The following WDPCP variants were observed in gnomAD, a reference collection of about 807,000 sequenced individuals.
The protein encoded by WDPCP is WD repeat containing planar cell polarity effector, also known as WD repeat-containing and planar cell polarity effector protein fritz homolog.
Under a neutral mutation model 93.1 loss-of-function variants are expected in WDPCP, and 71 were observed. The observed-to-expected ratio is 0.76, with a 90% CI of 0.63 to 0.93. The LOEUF (loss-of-function observed/expected upper bound fraction) is 0.93. Among genes scored for constraint, WDPCP ranks in the 40% least tolerant of loss-of-function variants. The pLI is 0.00. For missense variants in WDPCP, 844 were observed against 887.4 expected (o/e 0.95, Z 0.62); for synonymous variants, 315 against 315.0 (o/e 1.00, Z 0.00).
intron 3 of WDPCP, among the ~76,000 whole-genome samples, chr2:63,601,475 C>A (rs113299713): frequency 0.013 from 2,005 of 152,230 alleles, 48 homozygotes; most frequent in African/African-American, 0.045. Context: ...AAGAAAATTA[C>A]TAGGGCTGGA....
At position 63,799,000 on chromosome 2, in the gene WDPCP, A is replaced by T. The variant is rs1000813758; in HGVS notation, n.308+14622T>A. On this transcript the variant is annotated intron_variant and non_coding_transcript_variant, in intron 2 of 4. Transcript: ENST00000467687. ...TTTGGTAGGTTATCAGTGTTCCTACATCTAAGATTTATTCATGATCTGAAA... is the reference window on the plus strand; with the variant it reads ...TTTGGTAGGTTATCAGTGTTCCTACTTCTAAGATTTATTCATGATCTGAAA... Among the ~76,000 whole-genome samples, 26 of 152,324 alleles carry T rather than the reference A, an allele frequency of 1.7e-4. No homozygotes were observed. The East Asian group carries it at 4.8e-3, about 28-fold the overall frequency.
At chr2:63,344,696 C>T (rs1689073343) in intron 12 of WDPCP, among the ~76,000 whole-genome samples, 1 of 152,174 alleles carries the variant, frequency 6.6e-6, no homozygotes, top group South Asian at 2.1e-4. Flanking sequence ...CATGTCTTTA[C>T]ATGCTTTAGA....
At chr2:63,330,089 C>G (rs1687867235) in intron 12 of WDPCP, among the ~76,000 whole-genome samples, 1 of 152,062 alleles carries the variant, frequency 6.6e-6, no homozygotes, top group Admixed American at 6.5e-5. Flanking sequence ...ATTTCATTTC[C>G]TTTTGACATA....
intron 10 of WDPCP, among the ~76,000 whole-genome samples, chr2:63,401,951 T>A (rs10182889): frequency 0.42 from 63,255 of 151,974 alleles, 13,426 homozygotes; most frequent in Non-Finnish European, 0.43. Context: ...AATACCATGT[T>A]ACCCAGCAAT....
chr2:63,787,255 G>T (rs557192758), intron 2 of WDPCP, among the ~76,000 whole-genome samples: 1 of 152,342 alleles, frequency 6.6e-6, no homozygotes, highest in South Asian at 2.1e-4. Flanking sequence ...CTGTGGGGAA[G>T]TGTGCCTTCA....
chr2:63,491,328 G>GT (rs1371591564), intron 2 of WDPCP, among the ~76,000 whole-genome samples: 30 of 151,938 alleles, frequency 2.0e-4, no homozygotes, highest in African/African-American at 6.8e-4. Context: ...TTCTCTGTTT[G>GT]TATTTACAAG....
At chr2:63,739,398 G>A (rs1669684209) in intron 2 of WDPCP, among the ~76,000 whole-genome samples, 1 of 152,078 alleles carries the variant, frequency 6.6e-6, no homozygotes, top group Non-Finnish European at 1.5e-5. Flanking sequence ...TGGTGTATAT[G>A]TACCACATTT....
chr2:63,276,556 G>GGACA (rs1683103914), intron 13 of WDPCP, among the ~76,000 whole-genome samples: 1 of 152,094 alleles, frequency 6.6e-6, no homozygotes, highest in South Asian at 2.1e-4. Context: ...TGATAATCAA[G>GGACA]GACACACTTA....
intron 2 of WDPCP, among the ~76,000 whole-genome samples, chr2:63,808,384 G>C (rs901056288): frequency 3.0e-5 from 4 of 131,282 alleles, no homozygotes; most frequent in African/African-American, 9.2e-5. Flanking sequence ...GTCTCCCTCT[G>C]ATGCCGAGCC....
intron 2 of WDPCP, among the ~76,000 whole-genome samples, chr2:63,793,653 T>C (rs931586374): frequency 1.3e-5 from 2 of 152,132 alleles, no homozygotes; most frequent in African/African-American, 2.4e-5. Context: ...GATCCCTACA[T>C]GTGCTCCCAA....
intron 2 of WDPCP, among the ~76,000 whole-genome samples, chr2:63,771,129 G>A (rs932258858): frequency 1.3e-5 from 2 of 151,434 alleles, no homozygotes; most frequent in African/African-American, 4.8e-5. Context: ...GAATCGCTGA[G>A]CTAATAAAAT....
chr2:63,185,901 C>T (rs189178135), intron 14 of WDPCP, among the ~76,000 whole-genome samples: 62 of 151,922 alleles, frequency 4.1e-4, no homozygotes, highest in Admixed American at 4.1e-3. Flanking sequence ...TGCACTTTCG[C>T]TGCTCCCACC....
At chr2:63,352,929 G>C (rs1479617680) in intron 12 of WDPCP, among the ~76,000 whole-genome samples, 1 of 152,078 alleles carries the variant, frequency 6.6e-6, no homozygotes, top group South Asian at 2.1e-4. Context: ...AAACTAGTAA[G>C]GTAGTGGCCC....
At chr2:63,146,027 G>C (rs1025841714) in intron 17 of WDPCP, among the ~76,000 whole-genome samples, 1 of 152,154 alleles carries the variant, frequency 6.6e-6, no homozygotes, top group Non-Finnish European at 1.5e-5. Context: ...TTGGTGTATA[G>C]GAATGCTAGT....
At chr2:63,305,380 A>C (rs1685651885) in intron 13 of WDPCP, among the ~76,000 whole-genome samples, 2 of 152,172 alleles carry the variant, frequency 1.3e-5, no homozygotes, top group African/African-American at 4.8e-5. Context: ...CTCTGGGACG[A>C]AGGAACAGGC....
chr2:63,204,350 T>TG (rs1676160989), intron 14 of WDPCP, among the ~76,000 whole-genome samples: 2 of 145,544 alleles, frequency 1.4e-5, no homozygotes, highest in South Asian at 4.5e-4. Flanking sequence ...TTTTTTTTTT[T>TG]TTTTTTTTGA....
chr2:63,409,226 C>T (rs1575355931), intron 9 of WDPCP, among the ~76,000 whole-genome samples: 1 of 152,208 alleles, frequency 6.6e-6, no homozygotes, highest in East Asian at 1.9e-4. Flanking sequence ...TCACAGGACT[C>T]TGTGCAGACA....
At chr2:63,823,049 T>TA (rs1250996854) in intron 1 of WDPCP, among the ~76,000 whole-genome samples, 1 of 151,658 alleles carries the variant, frequency 6.6e-6, no homozygotes, top group East Asian at 1.9e-4. Context: ...TTTTTTGTCT[T>TA]AAACATTGAA....
chr2:63,773,131 G>T (rs1670253836), intron 2 of WDPCP, among the ~76,000 whole-genome samples: 1 of 151,872 alleles, frequency 6.6e-6, no homozygotes, highest in Non-Finnish European at 1.5e-5. Context: ...ACATATGTAT[G>T]CCAAAAGACA....
Sources: gnomAD v4.1 joint callset for allele counts (sites outside exome capture counted in the v4.1 genomes callset) on GRCh38, gnomAD v4.1.1 for gene constraint, MANE v1.5 for transcripts, NCBI Gene and HGNC (gene_info 2026-07-23, HGNC 2026-07-21) for gene names.